XRRA1: variants seen among roughly 807,000 people sequenced by gnomAD.
The protein encoded by XRRA1 is X-ray radiation resistance-associated protein 1.
Under a neutral mutation model 80.2 loss-of-function variants are expected in XRRA1, and 69 were observed. The observed-to-expected ratio is 0.86, with a 90% CI of 0.71 to 1.05. The LOEUF (loss-of-function observed/expected upper bound fraction) is 1.05, where lower values mean the gene tolerates loss of function less well. Among genes scored for constraint, XRRA1 ranks in the 50% least tolerant of loss-of-function variants. The pLI, the probability that XRRA1 is intolerant of heterozygous loss-of-function variation, is 0.00. For synonymous variants in XRRA1, 348 were observed against 389.9 expected (o/e 0.89, Z 1.27); for missense variants, 967 against 976.4 (o/e 0.99, Z 0.13).
At chr11:74,939,283 T>C (rs528800) in intron 3 of XRRA1, among the ~76,000 whole-genome samples, 119,149 of 152,052 alleles carry the variant, frequency 0.78, 46,834 homozygotes, top group Non-Finnish European at 0.82. Context: ...ACCTGGGAGG[T>C]GAAGGTTGCA....
chr11:74,873,736 A>G (rs1439275705), intron 10 of XRRA1, among the ~76,000 whole-genome samples: 1 of 152,220 alleles, frequency 6.6e-6, no homozygotes, highest in African/African-American at 2.4e-5. Context: ...TTCAAAATCT[A>G]ACATCAAGCT....
chr11:74,844,469 C>T (rs1445471512), intron 16 of XRRA1, among the ~76,000 whole-genome samples, 186 bp from the exon 17 acceptor site: 1 of 152,162 alleles, frequency 6.6e-6, no homozygotes. Flanking sequence ...CATCATTCTT[C>T]AGTGAGTATT....
intron 10 of XRRA1, among the ~76,000 whole-genome samples, chr11:74,868,625 G>A (rs556025496): frequency 6.6e-6 from 1 of 152,116 alleles, no homozygotes; most frequent in Admixed American, 6.5e-5. Context: ...ACACCCATAG[G>A]CTGAAAGCAA....
intron 7 of XRRA1, among the ~76,000 whole-genome samples, chr11:74,925,629 G>A (rs77670040): frequency 0.025 from 3,779 of 152,166 alleles, 133 homozygotes; most frequent in African/African-American, 0.087. Context: ...ATACCCTTTC[G>A]TAAGGGTAGG....
intron 15 of XRRA1, chr11:74,845,916 T>G (rs2037997519): frequency 6.6e-6 from 1 of 152,532 alleles, no homozygotes. Flanking sequence ...ACTCACCAGG[T>G]GGGGTGGCAC....
At chr11:74,876,489 C>G (rs1198876732) in intron 10 of XRRA1, 1 of 152,190 alleles carries the variant, frequency 6.6e-6, no homozygotes, top group Non-Finnish European at 1.5e-5. Flanking sequence ...GGAATTAACA[C>G]AACTAGCAGA....
chr11:74,911,788 G>A (rs529835051), intron 8 of XRRA1, among the ~76,000 whole-genome samples: 1 of 152,192 alleles, frequency 6.6e-6, no homozygotes, highest in African/African-American at 2.4e-5. Flanking sequence ...AAACCCAGAG[G>A]GAGAAACTTA....
At position 74,843,430 on chromosome 11, in the gene XRRA1, C is replaced by G; in HGVS notation, c.2173G>C (p.Glu725Gln). Residue 725 changes from glutamate to glutamine, a missense_variant, in exon 19 of 19, where the codon GAA becomes CAA. Transcript: ENST00000684022. ...TGCTTGTGGTTCACCAGCCGCCGTT[C>G]TGTCCACTGGTGCAGGACAGCACCT... ...PLGAVLHQWTERRLVNHKQYL... is the reference protein window; with the variant it reads ...PLGAVLHQWTQRRLVNHKQYL... The G allele has an allele frequency of 4.3e-6, 7 of 1,612,704 alleles. No individual in the cohort carries two copies. The highest frequency in any genetic ancestry group is 5.9e-6 in the Non-Finnish European group (7 of 1,179,410).
At chr11:74,912,068 G>T (rs2056047139) in intron 8 of XRRA1, among the ~76,000 whole-genome samples, 1 of 152,194 alleles carries the variant, frequency 6.6e-6, no homozygotes. Context: ...GGGCAGACTG[G>T]TCCTCTTGCA....
intron 7 of XRRA1, among the ~76,000 whole-genome samples, chr11:74,923,309 C>T (rs998425548): frequency 2.0e-5 from 3 of 152,170 alleles, no homozygotes; most frequent in African/African-American, 7.2e-5. Context: ...TAGGACTAGC[C>T]AAGTACTACA....
chr11:74,937,587 T>C (rs1945298782), intron 3 of XRRA1, among the ~76,000 whole-genome samples: 1 of 151,338 alleles, frequency 6.6e-6, no homozygotes, highest in South Asian at 2.1e-4. Context: ...AATAAGAAAA[T>C]GTAGGACAGA....
chr11:74,897,058 A>G (rs2052490331), intron 10 of XRRA1, among the ~76,000 whole-genome samples: 1 of 152,154 alleles, frequency 6.6e-6, no homozygotes, highest in South Asian at 2.1e-4. Context: ...AGAAACAGAG[A>G]TGTATGACCT....
intron 10 of XRRA1, among the ~76,000 whole-genome samples, chr11:74,888,957 T>C (rs1001183716): frequency 5.9e-5 from 9 of 152,046 alleles, no homozygotes; most frequent in Non-Finnish European, 1.5e-5. Flanking sequence ...ACGGGGAGAA[T>C]GGAACAAGTT....
At chr11:74,883,067 T>G (rs2048086353) in intron 10 of XRRA1, among the ~76,000 whole-genome samples, 2 of 152,208 alleles carry the variant, frequency 1.3e-5, no homozygotes, top group Admixed American at 1.3e-4. Flanking sequence ...CTGCTTTGTT[T>G]ACCTAATCAA....
intron 10 of XRRA1, among the ~76,000 whole-genome samples, chr11:74,905,181 G>A (rs1301774998): frequency 1.3e-5 from 2 of 151,966 alleles, no homozygotes; most frequent in African/African-American, 2.4e-5. Flanking sequence ...AGGACTATAG[G>A]TGCATGCCAT....
rs999142862 is a variant in XRRA1, at chr11:74,863,004, A to T, written c.1021T>A (p.Tyr341Asn). ...VDRTEVVFSSYPGFSTSETTK... is the reference protein window; with the variant it reads ...VDRTEVVFSSNPGFSTSETTK... ...ACCTCTGAGGTTGAAAATCCAGGGT[A>T]AGATGAAAACACAACCTCTGAAACA... The change falls in exon 11 of 19, where the codon TAC (tyrosine) becomes AAC (asparagine). Residue 341 changes from tyrosine to asparagine, a missense_variant. By Grantham distance (143) the Tyr-to-Asn change is moderately radical. Coordinates refer to ENST00000684022, the MANE Select transcript of XRRA1 (RefSeq NM_001378157.1). The T allele has an allele frequency of 8.7e-6, 14 of 1,604,732 alleles. No homozygotes were observed. Among genetic ancestry groups the T allele is most frequent in the Non-Finnish European group, 1.2e-5 (14 of 1,175,534 alleles).
At chr11:74,851,283 ATTGCTT>A in intron 13 of XRRA1, 80 bp from the exon 14 acceptor site, 1 of 1,026,332 alleles carries the variant, frequency 9.7e-7, no homozygotes, top group Non-Finnish European at 1.4e-6. Flanking sequence ...CACTATTCAA[ATTGCTT>A]TACATGTATT....
chr11:74,921,786 AT>A (rs1395398344), intron 7 of XRRA1, among the ~76,000 whole-genome samples: 3 of 152,144 alleles, frequency 2.0e-5, no homozygotes, highest in African/African-American at 7.2e-5. Context: ...CAGGGTACTT[AT>A]CAAAGTCGGC....
At chr11:74,863,150 C>T in intron 10 of XRRA1, 129 bp from the exon 11 acceptor site, 1 of 823,120 alleles carries the variant, frequency 1.2e-6, no homozygotes, top group East Asian at 2.7e-5. Flanking sequence ...CATTGGTCCT[C>T]AGCCCCAGTG....
Sources: gnomAD v4.1 joint callset for allele counts (sites outside exome capture counted in the v4.1 genomes callset) on GRCh38, gnomAD v4.1.1 for gene constraint, MANE v1.5 for transcripts, NCBI Gene and HGNC (gene_info 2026-07-23, HGNC 2026-07-21) for gene names.